The following DIS3L2 variants were observed in gnomAD, a reference collection of about 807,000 sequenced individuals.
DIS3L2 encodes DIS3-like exonuclease 2.
DIS3L2 carries 34 observed loss-of-function variants against 97.5 expected under a neutral mutation model. That is an observed-to-expected ratio of 0.35 (90% CI 0.27 to 0.46). The LOEUF is 0.46. Ranked by LOEUF, DIS3L2 falls within the 20% of genes least tolerant of loss-of-function variation. The probability of loss-of-function intolerance (pLI) is 1.00; values close to 1 mark genes in which losing one functional copy is unlikely to be tolerated. For synonymous variants in DIS3L2, 435 were observed against 445.2 expected (o/e 0.98, Z 0.29); for missense variants, 1,038 against 1,146.0 (o/e 0.91, Z 1.36).
chr2:232,229,946 A>G (rs909148306), intron 10 of DIS3L2, among the ~76,000 whole-genome samples: 1 of 152,138 alleles, frequency 6.6e-6, no homozygotes, highest in African/African-American at 2.4e-5. Flanking sequence ...AAGTCATCCT[A>G]TGCTACCCCC....
At chr2:232,280,298 G>A (rs1288939293) in intron 13 of DIS3L2, among the ~76,000 whole-genome samples, 2 of 152,114 alleles carry the variant, frequency 1.3e-5, no homozygotes, top group African/African-American at 4.8e-5. Flanking sequence ...CCCGAGGGGT[G>A]GCTTTTAAAC....
At chr2:232,060,310 A>G (rs547130036) in intron 5 of DIS3L2, among the ~76,000 whole-genome samples, 5 of 151,862 alleles carry the variant, frequency 3.3e-5, no homozygotes, top group South Asian at 2.1e-4. Flanking sequence ...GTCTTTGCCC[A>G]CTCCAATGTC....
In DIS3L2 at chr2:232,062,746, A is replaced by G. The variant is rs182481873; in HGVS notation, c.367-24741A>G. Reference sequence around the variant, plus strand: ...CAGAAACTAGGAAAGACATGTATGTATCTCCCCTCCTTCCCTCCTTTCTTC... The same window carrying G: ...CAGAAACTAGGAAAGACATGTATGTGTCTCCCCTCCTTCCCTCCTTTCTTC... On this transcript the variant is annotated intron_variant, in intron 5 of 20. Transcript: ENST00000325385. 5.3e-5 allele frequency among the ~76,000 whole-genome samples: 8 copies of G among 149,832 alleles called. No individual in the cohort carries two copies. The East Asian group carries it at 1.2e-3, about 23-fold the overall frequency.
intron 14 of DIS3L2, among the ~76,000 whole-genome samples, chr2:232,312,365 A>G (rs1695158533): frequency 6.6e-6 from 1 of 152,176 alleles, no homozygotes; most frequent in Non-Finnish European, 1.5e-5. Context: ...TTTTGAAAAT[A>G]CTTTCCCATA....
intron 10 of DIS3L2, among the ~76,000 whole-genome samples, 168 bp from the exon 11 acceptor site, chr2:232,238,365 G>T (rs1301847141): frequency 6.6e-6 from 1 of 152,132 alleles, no homozygotes; most frequent in Non-Finnish European, 1.5e-5. Context: ...ACAGTAGTGC[G>T]GGTCACAGAG....
Position 232,206,562 on chromosome 2 carries a change from A to G in DIS3L2, c.1125-3764A>G, listed in dbSNP as rs562820454. 6.1e-4 allele frequency among the ~76,000 whole-genome samples: 93 copies of G among 152,328 alleles called. 2 individuals are homozygous for G. In the South Asian group the frequency reaches 0.018, roughly 30 times the overall value. On this transcript the variant is annotated intron_variant, in intron 9 of 20. Transcript: ENST00000325385. ...TTTTTTATTTTTTAGTCATTTAAAC[A>G]TGCAAAAACTGTTCTCATCTTGCAG...
At chr2:232,016,892 T>A (rs1694367056) in intron 3 of DIS3L2, among the ~76,000 whole-genome samples, 1 of 150,986 alleles carries the variant, frequency 6.6e-6, no homozygotes. Context: ...CTTCTCTTCC[T>A]TTTTGTCCCC....
chr2:232,145,080 T>G (rs1690182564), intron 8 of DIS3L2, among the ~76,000 whole-genome samples: 1 of 152,220 alleles, frequency 6.6e-6, no homozygotes, highest in Non-Finnish European at 1.5e-5. Context: ...CTGTGTAATA[T>G]TCTGTTTCTG....
chr2:232,215,759 G>A (rs1692315536), intron 10 of DIS3L2, among the ~76,000 whole-genome samples: 1 of 152,172 alleles, frequency 6.6e-6, no homozygotes, highest in Admixed American at 6.5e-5. Context: ...CCAGGCTTTG[G>A]CTAGAAAACC....
At chr2:232,259,494 T>C (rs1178099302) in intron 12 of DIS3L2, among the ~76,000 whole-genome samples, 1 of 152,070 alleles carries the variant, frequency 6.6e-6, no homozygotes, top group African/African-American at 2.4e-5. Flanking sequence ...AGAGATGTGC[T>C]TAGAGCCAGG....
intron 11 of DIS3L2, among the ~76,000 whole-genome samples, chr2:232,240,198 C>G (rs1693042808): frequency 6.6e-6 from 1 of 152,236 alleles, no homozygotes; most frequent in African/African-American, 2.4e-5. Context: ...TGCCCCAGGA[C>G]AGTACTCTCT....
At chr2:232,256,627 C>G (rs1693570453) in intron 12 of DIS3L2, among the ~76,000 whole-genome samples, 1 of 152,166 alleles carries the variant, frequency 6.6e-6, no homozygotes, top group Admixed American at 6.5e-5. Flanking sequence ...TAAGACCCAT[C>G]ATTCTCCCAA....
At chr2:232,137,196 C>T (rs1698384324) in intron 8 of DIS3L2, among the ~76,000 whole-genome samples, 1 of 152,142 alleles carries the variant, frequency 6.6e-6, no homozygotes, top group South Asian at 2.1e-4. Flanking sequence ...TTAAAAACTA[C>T]CCTATTGTAA....
intron 8 of DIS3L2, among the ~76,000 whole-genome samples, chr2:232,154,977 C>T (rs924730725): frequency 1.4e-4 from 20 of 140,784 alleles, no homozygotes; most frequent in South Asian, 2.5e-4. Context: ...CAGGTGCGTC[C>T]GTCACCCCTT....
intron 5 of DIS3L2, among the ~76,000 whole-genome samples, chr2:232,074,125 G>T (rs748936044): frequency 2.6e-5 from 4 of 152,122 alleles, no homozygotes; most frequent in Non-Finnish European, 5.9e-5. Flanking sequence ...TAAAGGCATA[G>T]AATTATTTTA....
At chr2:232,284,244 G>A (rs1257534130) in intron 13 of DIS3L2, among the ~76,000 whole-genome samples, 2 of 152,144 alleles carry the variant, frequency 1.3e-5, no homozygotes, top group Non-Finnish European at 2.9e-5. Context: ...GTGAGCTTAG[G>A]CTCTCTCGAC....
In DIS3L2 at chr2:232,037,588, A is replaced by G. The variant is rs1694985501; in HGVS notation, c.366+7508A>G. ...ACCAGGAGTCACTGGGGTACGAAAA[A>G]AAACTCCTGCAGCTAGCTCGGTGTC... On this transcript the variant is annotated intron_variant, in intron 5 of 20. Transcript: ENST00000325385. The surrounding 1 kb of genome is among the most constrained non-coding windows in gnomAD (Gnocchi z 4.6). Among the ~76,000 whole-genome samples, 1 of 152,080 alleles carries G rather than the reference A, an allele frequency of 6.6e-6. No individual in the cohort carries two copies. The highest frequency in any genetic ancestry group is 1.5e-5 in the Non-Finnish European group (1 of 68,008).
intron 16 of DIS3L2, among the ~76,000 whole-genome samples, chr2:232,333,454 T>C (rs1695830685): frequency 1.3e-5 from 2 of 152,136 alleles, no homozygotes; most frequent in Admixed American, 1.3e-4. Context: ...CAGCAGGGAC[T>C]GGACTTCGGA....
At chr2:232,273,765 C>T (rs1435012353) in intron 13 of DIS3L2, among the ~76,000 whole-genome samples, 2 of 152,072 alleles carry the variant, frequency 1.3e-5, no homozygotes, top group Non-Finnish European at 2.9e-5. Context: ...AAAGAGACCC[C>T]AGTGTGCCAT....
Sources: gnomAD v4.1 joint callset for allele counts (sites outside exome capture counted in the v4.1 genomes callset) on GRCh38, gnomAD v4.1.1 for gene constraint, Gnocchi (gnomAD v3.1) non-coding constraint, MANE v1.5 for transcripts, NCBI Gene and HGNC (gene_info 2026-07-23, HGNC 2026-07-21) for gene names.